Variants in RUNX2 observed in about 807,000 individuals in gnomAD.
The protein encoded by RUNX2 is runt-related transcription factor 2.
Under a neutral mutation model 51.7 loss-of-function variants are expected in RUNX2, and 10 were observed. The ratio of observed to expected loss-of-function variants is 0.19; its 90% CI spans 0.12 to 0.33. The LOEUF is 0.33. RUNX2 is among the 10% of genes least tolerant of loss of function. The pLI, the probability that RUNX2 is intolerant of heterozygous loss-of-function variation, is 1.00. For missense variants in RUNX2, 562 were observed against 691.3 expected (o/e 0.81, Z 2.10); for synonymous variants, 276 against 273.6 (o/e 1.01, Z -0.09).
At chr6:45,545,118 C>T (rs1196633124) in intron 7 of RUNX2, 99 bp from the exon 8 acceptor site, 2 of 971,640 alleles carry the variant, frequency 2.1e-6, no homozygotes, top group Non-Finnish European at 3.2e-6. Context: ...CTGTCTACCC[C>T]TCCCCTAAGG....
Position 45,442,949 on chromosome 6 carries a change from A to C in RUNX2, c.685+4898A>C, listed in dbSNP as rs1299768742. Among the ~76,000 whole-genome samples the C allele has an allele frequency of 2.0e-5, 3 of 148,054 alleles. No individual in the cohort carries two copies. In the South Asian group the frequency reaches 6.4e-4, roughly 32 times the overall value. On this transcript the variant is annotated intron_variant, in intron 5 of 8. Transcript: ENST00000647337. ...CTCTTCCTCTCCACGTGGCCTCTCC[A>C]TGTGGTCTTTCCCGCTGAGTCTGAC... is the stretch of plus-strand genomic sequence containing the variant.
chr6:45,387,021 G>A (rs58867160), intron 2 of RUNX2, among the ~76,000 whole-genome samples: 4 of 152,232 alleles, frequency 2.6e-5, no homozygotes, highest in Admixed American at 6.5e-5. Flanking sequence ...GAGGTGATAC[G>A]GGCTAGAGTT....
chr6:45,453,627 C>T (rs902758476), intron 5 of RUNX2, among the ~76,000 whole-genome samples: 5 of 152,160 alleles, frequency 3.3e-5, no homozygotes, highest in African/African-American at 1.2e-4. Flanking sequence ...GAAGGCTGGA[C>T]ACATGGCCAT....
At chr6:45,396,518 G>C (rs550951326) in intron 2 of RUNX2, among the ~76,000 whole-genome samples, 1 of 152,252 alleles carries the variant, frequency 6.6e-6, no homozygotes, top group African/African-American at 2.4e-5. Context: ...CCGTCCTCCT[G>C]CCTCAGCCTC....
At chr6:45,411,804 A>G (rs900937570) in intron 2 of RUNX2, among the ~76,000 whole-genome samples, 2 of 152,168 alleles carry the variant, frequency 1.3e-5, no homozygotes, top group African/African-American at 4.8e-5. Context: ...ACACCAGTGA[A>G]GCAAGTTAAA....
intron 6 of RUNX2, among the ~76,000 whole-genome samples, chr6:45,507,402 A>G (rs1801003609): frequency 6.6e-6 from 1 of 152,218 alleles, no homozygotes; most frequent in African/African-American, 2.4e-5. Context: ...ATCCAATTTG[A>G]GAGTAAATCT....
chr6:45,534,029 G>A (rs1286240684), intron 7 of RUNX2, among the ~76,000 whole-genome samples: 3 of 151,608 alleles, frequency 2.0e-5, no homozygotes, highest in Admixed American at 2.0e-4. Context: ...CGAGTAGCTG[G>A]GACTACAGGT....
intron 5 of RUNX2, among the ~76,000 whole-genome samples, chr6:45,439,737 A>G (rs1798790038): frequency 6.6e-6 from 1 of 151,982 alleles, no homozygotes; most frequent in African/African-American, 2.4e-5. Context: ...ACAAGAGTTG[A>G]TGCTCAAAAG....
chr6:45,395,465 A>G (rs1287183183), intron 2 of RUNX2, among the ~76,000 whole-genome samples: 2 of 152,224 alleles, frequency 1.3e-5, no homozygotes, highest in East Asian at 3.8e-4. Context: ...ATATGAGCTC[A>G]TATATCCTCT....
At chr6:45,480,632 C>A (rs1800086353) in intron 5 of RUNX2, among the ~76,000 whole-genome samples, 1 of 152,178 alleles carries the variant, frequency 6.6e-6, no homozygotes, top group South Asian at 2.1e-4. Context: ...GTATTAATGT[C>A]TAGCAAGCAG....
At chr6:45,513,704 A>T (rs1464054946) in intron 7 of RUNX2, 1 of 152,174 alleles carries the variant, frequency 6.6e-6, no homozygotes, top group Admixed American at 6.5e-5. Flanking sequence ...GTTTTTTGGA[A>T]AACCATGTTA....
intron 2 of RUNX2, chr6:45,372,031 A>G (rs1482821889): frequency 2.1e-6 from 2 of 963,324 alleles, no homozygotes; most frequent in East Asian, 2.3e-4. Context: ...TATACAAATA[A>G]AAGTTTATCA....
intron 2 of RUNX2, among the ~76,000 whole-genome samples, chr6:45,418,052 A>T (rs1281921898): frequency 6.6e-6 from 1 of 152,186 alleles, no homozygotes; most frequent in Non-Finnish European, 1.5e-5. Flanking sequence ...CCCATATGAG[A>T]CATTCAAAGC....
chr6:45,473,663 G>A (rs897431448), intron 5 of RUNX2, among the ~76,000 whole-genome samples: 1 of 152,250 alleles, frequency 6.6e-6, no homozygotes, highest in Non-Finnish European at 1.5e-5. Flanking sequence ...TTCACTGAAA[G>A]TAATAGAGTG....
At position 45,549,350 on chromosome 6, in the gene RUNX2, C is replaced by T. The variant is rs1802498570; in HGVS notation, c.*2045C>T. ...TTGTAGGCCACCCAGCATTGCAGGA[C>T]AGCGTGTGGGGCAGCTGGACCTGTG... is the stretch of plus-strand genomic sequence containing the variant. On this transcript the variant is annotated 3_prime_UTR_variant, in exon 9 of 9. Coordinates refer to ENST00000647337, the MANE Select transcript of RUNX2 (RefSeq NM_001024630.4). The T allele has an allele frequency of 5.0e-6, 2 of 398,472 alleles. No individual in the cohort carries two copies. Among genetic ancestry groups the T allele is most frequent in the South Asian group, 1.3e-4 (1 of 7,862 alleles). The allele number at this position is 398,472 out of a possible 1,614,324, so 24.7% of individuals were successfully genotyped here.
In RUNX2 at chr6:45,366,315, T is replaced by C. The variant is rs190230626; in HGVS notation, c.58+37531T>C. Among the ~76,000 whole-genome samples the C allele has an allele frequency of 2.8e-4, 42 of 152,308 alleles. No homozygotes were observed. The East Asian group carries it at 6.9e-3, about 25-fold the overall frequency. ...GATTTGAATCCCAGCTCCGCTCCTTTGCTAAGACTTTGGGCAAGTTACCTA... is the reference window on the plus strand; with the variant it reads ...GATTTGAATCCCAGCTCCGCTCCTTCGCTAAGACTTTGGGCAAGTTACCTA... On this transcript the variant is annotated intron_variant, in intron 2 of 8. Transcript: ENST00000647337.
intron 7 of RUNX2, among the ~76,000 whole-genome samples, chr6:45,533,888 CTTTT>C (rs553154980): frequency 0.011 from 1,142 of 108,000 alleles, 15 homozygotes; most frequent in African/African-American, 0.037. Flanking sequence ...CCTGTTGAGA[CTTTT>C]TTTTTTTTTT....
At chr6:45,356,696 C>T (rs747641451) in intron 2 of RUNX2, among the ~76,000 whole-genome samples, 1 of 151,864 alleles carries the variant, frequency 6.6e-6, no homozygotes, top group African/African-American at 2.4e-5. Context: ...TGAGCCACCT[C>T]GCCTGGCCCA....
intron 2 of RUNX2, among the ~76,000 whole-genome samples, chr6:45,368,986 GTCAA>G (rs149491156): frequency 0.15 from 22,910 of 151,514 alleles, 1,940 homozygotes; most frequent in East Asian, 0.26. Context: ...ATACCAAATG[GTCAA>G]TCACTGAGAA....
Sources: gnomAD v4.1 joint callset for allele counts (sites outside exome capture counted in the v4.1 genomes callset) on GRCh38, gnomAD v4.1.1 for gene constraint, MANE v1.5 for transcripts, NCBI Gene and HGNC (gene_info 2026-07-23, HGNC 2026-07-21) for gene names.